Variants in MACROD2 observed in about 807,000 individuals in gnomAD.
MACROD2 encodes the protein ADP-ribose glycohydrolase MACROD2.
In MACROD2, 36 loss-of-function variants were observed where a neutral mutation model predicts 70.4. The observed-to-expected ratio is 0.51, with a 90% CI of 0.39 to 0.68. MACROD2 has a LOEUF of 0.68. Among genes scored for constraint, MACROD2 ranks in the 30% least tolerant of loss-of-function variants. MACROD2 has a pLI of 0.00. For synonymous variants in MACROD2, 172 were observed against 178.8 expected, an observed-to-expected ratio of 0.96 and a Z score of 0.30; for missense variants, 496 against 538.4, an observed-to-expected ratio of 0.92 and a Z score of 0.78.
chr20:14,405,292 CA>C (rs5840616), intron 3 of MACROD2, among the ~76,000 whole-genome samples: 150,165 of 152,294 alleles, frequency 0.99, 74,072 homozygotes, highest in Middle Eastern at 1. Context: ...AAGACTTAAC[CA>C]AAAAGCCCCT....
At position 15,411,149 on chromosome 20, in the gene MACROD2, TACACACAC is replaced by T. The variant is rs55750139; in HGVS notation, c.541-20232_541-20225del. On this transcript the variant is annotated intron_variant, in intron 6 of 17. Coordinates refer to ENST00000684519, the MANE Select transcript of MACROD2 (RefSeq NM_001351661.2). ...ATTAATTGCCACCAGGATATGTATTTACACACACACACACACACACACACACACACAAA... is the reference window on the plus strand; with the variant it reads ...ATTAATTGCCACCAGGATATGTATTTACACACACACACACACACACACAAA... 6.2e-3 allele frequency among the ~76,000 whole-genome samples: 888 copies of T among 144,282 alleles called. 9 individuals carry two copies. The highest frequency in any genetic ancestry group is 0.021 in the African/African-American group (833 of 39,180). The allele number at this position is 144,282 out of a possible 152,430, so 94.7% of individuals were successfully genotyped here.
chr20:15,509,859 C>T (rs1037444244), intron 8 of MACROD2, among the ~76,000 whole-genome samples: 14 of 152,156 alleles, frequency 9.2e-5, no homozygotes, highest in African/African-American at 3.4e-4. Flanking sequence ...TGGAGCAGGC[C>T]CACTGATGCA....
intron 15 of MACROD2, among the ~76,000 whole-genome samples, chr20:16,010,639 C>T (rs1045060358): frequency 6.6e-6 from 1 of 152,164 alleles, no homozygotes; most frequent in Non-Finnish European, 1.5e-5. Context: ...CCTCATAAGA[C>T]CTCCAAGGTG....
intron 3 of MACROD2, among the ~76,000 whole-genome samples, chr20:14,441,357 T>C (rs915076): frequency 0.97 from 146,947 of 152,256 alleles, 71,151 homozygotes; most frequent in East Asian, 1. Context: ...CCAGGCAAGA[T>C]GGCAAGAACA....
At chr20:15,639,157 G>C (rs1425538781) in intron 8 of MACROD2, among the ~76,000 whole-genome samples, 9 of 152,254 alleles carry the variant, frequency 5.9e-5, no homozygotes, top group African/African-American at 2.2e-4. Flanking sequence ...CTTCAAAGGA[G>C]ATCACCCACA....
At chr20:15,595,193 T>C (rs2048730229) in intron 8 of MACROD2, among the ~76,000 whole-genome samples, 1 of 152,202 alleles carries the variant, frequency 6.6e-6, no homozygotes, top group Admixed American at 6.5e-5. Flanking sequence ...GTTCTGGAGG[T>C]CCACTGCACA....
chr20:14,064,236 T>A (rs1200769699), intron 2 of MACROD2, among the ~76,000 whole-genome samples: 1 of 152,150 alleles, frequency 6.6e-6, no homozygotes, highest in Non-Finnish European at 1.5e-5. Context: ...TATAAAGGTT[T>A]TTGTTCTCCA....
intron 3 of MACROD2, among the ~76,000 whole-genome samples, chr20:14,470,349 A>C (rs1229238142): frequency 6.6e-6 from 1 of 151,980 alleles, no homozygotes; most frequent in South Asian, 2.1e-4. Flanking sequence ...GCTCTCCTAT[A>C]TGAGATGTCT....
chr20:15,811,806 C>G (rs16996600), intron 8 of MACROD2, among the ~76,000 whole-genome samples: 1 of 151,932 alleles, frequency 6.6e-6, no homozygotes, highest in Non-Finnish European at 1.5e-5. Context: ...GGATATAGTA[C>G]GTCAGCTGGT....
chr20:14,443,611 A>G (rs1293436727), intron 3 of MACROD2, among the ~76,000 whole-genome samples: 2 of 152,068 alleles, frequency 1.3e-5, no homozygotes, highest in African/African-American at 4.8e-5. Flanking sequence ...GTATGCTATT[A>G]TATGCCAAAA....
chr20:14,570,372 G>A (rs374463611), intron 4 of MACROD2, among the ~76,000 whole-genome samples: 5 of 152,076 alleles, frequency 3.3e-5, no homozygotes, highest in African/African-American at 1.2e-4. Flanking sequence ...ATGACAAGAA[G>A]AGGACCTTCT....
At chr20:15,449,703 T>G (rs1053263020) in intron 7 of MACROD2, among the ~76,000 whole-genome samples, 1 of 152,142 alleles carries the variant, frequency 6.6e-6, no homozygotes, top group Admixed American at 6.6e-5. Context: ...ATTTTAAACA[T>G]GCACAGAGGC....
chr20:14,884,897 G>A (rs909234381), intron 5 of MACROD2, among the ~76,000 whole-genome samples: 1 of 152,070 alleles, frequency 6.6e-6, no homozygotes, highest in Non-Finnish European at 1.5e-5. Context: ...TTCATTCCAG[G>A]TATTTATCAA....
intron 6 of MACROD2, among the ~76,000 whole-genome samples, chr20:15,387,516 C>T (rs1206902026): frequency 2.0e-5 from 3 of 151,508 alleles, no homozygotes; most frequent in African/African-American, 7.3e-5. Flanking sequence ...CCCCCCTTCC[C>T]CCTCTTTATT....
intron 1 of MACROD2, among the ~76,000 whole-genome samples, chr20:13,997,208 A>G (rs1049423278): frequency 6.6e-6 from 1 of 152,228 alleles, no homozygotes; most frequent in African/African-American, 2.4e-5. Context: ...GGGTTTATAG[A>G]GAGCTAACAC....
chr20:14,398,521 A>T (rs941884093), intron 3 of MACROD2, among the ~76,000 whole-genome samples: 1 of 152,074 alleles, frequency 6.6e-6, no homozygotes, highest in Non-Finnish European at 1.5e-5. Context: ...GCATCACTAA[A>T]ACAAATTTGA....
At chr20:15,232,847 A>G (rs1266780439) in intron 6 of MACROD2, among the ~76,000 whole-genome samples, 1 of 152,124 alleles carries the variant, frequency 6.6e-6, no homozygotes, top group Admixed American at 6.5e-5. Flanking sequence ...AGGATCCAAC[A>G]TATATATTCT....
chr20:14,694,021 C>G (rs538644046), intron 5 of MACROD2, among the ~76,000 whole-genome samples: 2 of 152,136 alleles, frequency 1.3e-5, no homozygotes. Context: ...GTGAGGAAGA[C>G]AGCAGGCCCC....
intron 5 of MACROD2, among the ~76,000 whole-genome samples, chr20:15,109,819 A>G (rs994568663): frequency 6.6e-6 from 1 of 152,210 alleles, no homozygotes; most frequent in Non-Finnish European, 1.5e-5. Flanking sequence ...CATTTGTTTA[A>G]ATCAAATATG....
Sources: gnomAD v4.1 joint callset for allele counts (sites outside exome capture counted in the v4.1 genomes callset) on GRCh38, gnomAD v4.1.1 for gene constraint, MANE v1.5 for transcripts, NCBI Gene and HGNC (gene_info 2026-07-23, HGNC 2026-07-21) for gene names.